Variants in MACROD2 observed in about 807,000 individuals in gnomAD.
MACROD2 encodes mono-ADP ribosylhydrolase 2.
In MACROD2, 36 loss-of-function variants were observed where a neutral mutation model predicts 70.4. The ratio of observed to expected loss-of-function variants is 0.51; its 90% CI spans 0.39 to 0.68. The LOEUF is 0.68. MACROD2 is among the 30% of genes least tolerant of loss of function. The pLI, the probability that MACROD2 is intolerant of heterozygous loss-of-function variation, is 0.00. For missense variants in MACROD2, 496 were observed against 538.4 expected, an observed-to-expected ratio of 0.92 and a Z score of 0.78; for synonymous variants, 172 against 178.8, an observed-to-expected ratio of 0.96 and a Z score of 0.30.
At chr20:15,629,744 G>A (rs78948034) in intron 8 of MACROD2, among the ~76,000 whole-genome samples, 2,337 of 152,270 alleles carry the variant, frequency 0.015, 56 homozygotes, top group African/African-American at 0.054. Context: ...CATCCAATAT[G>A]TTTCCTTTCT....
intron 5 of MACROD2, among the ~76,000 whole-genome samples, chr20:14,775,253 G>C (rs2072218815): frequency 6.6e-6 from 1 of 152,068 alleles, no homozygotes; most frequent in Admixed American, 6.6e-5. Flanking sequence ...GGTGGGCTTA[G>C]CAAGTGGCTG....
intron 6 of MACROD2, among the ~76,000 whole-genome samples, chr20:15,264,756 A>C (rs894263172): frequency 6.6e-6 from 1 of 152,066 alleles, no homozygotes; most frequent in Non-Finnish European, 1.5e-5. Context: ...GGATGAGGGG[A>C]TTAACAACAA....
intron 8 of MACROD2, among the ~76,000 whole-genome samples, chr20:15,823,171 A>G (rs1402395554): frequency 6.6e-6 from 1 of 152,216 alleles, no homozygotes; most frequent in African/African-American, 2.4e-5. Flanking sequence ...AGCAAAAGTG[A>G]ACTATAAAAT....
At chr20:15,864,936 A>G (rs780592829) in intron 9 of MACROD2, among the ~76,000 whole-genome samples, 7 of 152,198 alleles carry the variant, frequency 4.6e-5, no homozygotes, top group Non-Finnish European at 1.0e-4. Context: ...AGCGTGATGT[A>G]TGATGGAATG....
chr20:14,764,345 C>G (rs912160615), intron 5 of MACROD2, among the ~76,000 whole-genome samples: 1 of 152,064 alleles, frequency 6.6e-6, no homozygotes, highest in Non-Finnish European at 1.5e-5. Context: ...TTGCCGTCCT[C>G]TTGGTGATTT....
intron 8 of MACROD2, among the ~76,000 whole-genome samples, chr20:15,851,039 A>G (rs2064292314): frequency 1.3e-5 from 2 of 151,102 alleles, no homozygotes; most frequent in Non-Finnish European, 3.0e-5. Context: ...AGAACGTTGG[A>G]AATGATGGAA....
At chr20:14,013,674 C>CTTTTTTTTT (rs34386274) in intron 2 of MACROD2, among the ~76,000 whole-genome samples, 9 of 70,942 alleles carry the variant, frequency 1.3e-4, no homozygotes, top group Non-Finnish European at 1.5e-4. Flanking sequence ...TTATATTAAG[C>CTTTTTTTTT]TTTTTTTTTT....
At chr20:14,196,061 C>A (rs1366834041) in intron 3 of MACROD2, among the ~76,000 whole-genome samples, 1 of 152,226 alleles carries the variant, frequency 6.6e-6, no homozygotes, top group Non-Finnish European at 1.5e-5. Flanking sequence ...TGCTGGGGGT[C>A]GGATCCCCAC....
intron 4 of MACROD2, among the ~76,000 whole-genome samples, chr20:14,552,826 A>G (rs1978750167): frequency 6.6e-6 from 1 of 152,184 alleles, no homozygotes; most frequent in African/African-American, 2.4e-5. Context: ...AATTGTGTAT[A>G]GGGCACTTAC....
At chr20:15,623,709 T>C (rs192458752) in intron 8 of MACROD2, among the ~76,000 whole-genome samples, 39 of 152,086 alleles carry the variant, frequency 2.6e-4, no homozygotes, top group African/African-American at 8.7e-4. Flanking sequence ...TCTATCTATC[T>C]ATCTATCTAT....
At chr20:14,130,587 T>C (rs146344356) in intron 3 of MACROD2, among the ~76,000 whole-genome samples, 16 of 152,158 alleles carry the variant, frequency 1.1e-4, no homozygotes, top group East Asian at 1.9e-4. Context: ...ACCGTTAGCA[T>C]AGGAAAATTC....
intron 2 of MACROD2, among the ~76,000 whole-genome samples, chr20:14,011,025 A>C (rs2052896128): frequency 6.6e-6 from 1 of 152,170 alleles, no homozygotes; most frequent in African/African-American, 2.4e-5. Flanking sequence ...TAGCATTCAC[A>C]GTCTTTTCCA....
chr20:15,773,555 T>TG (rs2051672269), intron 8 of MACROD2, among the ~76,000 whole-genome samples: 1 of 152,160 alleles, frequency 6.6e-6, no homozygotes, highest in Admixed American at 6.5e-5. Flanking sequence ...CCCTGTTAAC[T>TG]CATCCTAATA....
intron 5 of MACROD2, among the ~76,000 whole-genome samples, chr20:14,792,739 A>G (rs887339273): frequency 6.6e-6 from 1 of 152,018 alleles, no homozygotes; most frequent in Admixed American, 6.6e-5. Context: ...ATTTATCACC[A>G]TATTGGAAAT....
At chr20:15,621,150 A>G (rs1446744373) in intron 8 of MACROD2, among the ~76,000 whole-genome samples, 1 of 152,166 alleles carries the variant, frequency 6.6e-6, no homozygotes, top group Non-Finnish European at 1.5e-5. Flanking sequence ...CTGAACTTTT[A>G]GGCTGCATTC....
At chr20:15,535,336 C>T (rs758810449) in intron 8 of MACROD2, among the ~76,000 whole-genome samples, 1 of 151,986 alleles carries the variant, frequency 6.6e-6, no homozygotes, top group Non-Finnish European at 1.5e-5. Context: ...CCTTTTATTC[C>T]CACAGCAGTG....
chr20:15,754,385 G>C (rs2051315625), intron 8 of MACROD2, among the ~76,000 whole-genome samples: 1 of 152,180 alleles, frequency 6.6e-6, no homozygotes, highest in Admixed American at 6.5e-5. Flanking sequence ...CACTTTAGGA[G>C]GCCAAGGTGG....
At chr20:15,100,662 G>A (rs936019105) in intron 5 of MACROD2, among the ~76,000 whole-genome samples, 3 of 152,098 alleles carry the variant, frequency 2.0e-5, no homozygotes, top group African/African-American at 7.2e-5. Context: ...GTTTTTTTGT[G>A]CCTTTGTAGT....
At chr20:16,001,122 C>G (rs2066703028) in intron 15 of MACROD2, among the ~76,000 whole-genome samples, 1 of 152,188 alleles carries the variant, frequency 6.6e-6, no homozygotes, top group South Asian at 2.1e-4. Flanking sequence ...CTGCTTTTCT[C>G]TCTGCTTCAG....
Sources: gnomAD v4.1 joint callset for allele counts (sites outside exome capture counted in the v4.1 genomes callset) on GRCh38, gnomAD v4.1.1 for gene constraint, MANE v1.5 for transcripts, NCBI Gene and HGNC (gene_info 2026-07-23, HGNC 2026-07-21) for gene names.